Variants in UGT3A1 observed in about 807,000 individuals in gnomAD.
The protein encoded by UGT3A1 is UDP-glycosyltransferase 3A1.
UGT3A1 carries 40 observed loss-of-function variants against 37.6 expected under a neutral mutation model. The ratio of observed to expected loss-of-function variants is 1.06; its 90% CI spans 0.83 to 1.38. UGT3A1 has a LOEUF of 1.38. Among genes scored for constraint, UGT3A1 ranks in the 40% most tolerant of loss-of-function variants. The probability of loss-of-function intolerance (pLI) is 0.00; values close to 1 mark genes in which losing one functional copy is unlikely to be tolerated. For missense variants in UGT3A1, 642 were observed against 634.2 expected (o/e 1.01, Z -0.13); for synonymous variants, 256 against 232.3 (o/e 1.10, Z -0.93).
chr5:35,972,432 C>A (rs997878088), intron 2 of UGT3A1, among the ~76,000 whole-genome samples: 3 of 151,496 alleles, frequency 2.0e-5, no homozygotes, highest in Non-Finnish European at 2.9e-5. Context: ...AGCTTGCCTA[C>A]CTGACCTATA....
chr5:35,994,337 G>C (rs868821005), upstream of UGT3A1, among the ~76,000 whole-genome samples: 1 of 121,850 alleles, frequency 8.2e-6, no homozygotes, highest in African/African-American at 4.7e-5. Context: ...TTTTGTTTGT[G>C]TGTGTGTGTG....
intron 2 of UGT3A1, among the ~76,000 whole-genome samples, chr5:35,973,522 A>G (rs1342914161): frequency 1.3e-5 from 2 of 152,230 alleles, no homozygotes; most frequent in Non-Finnish European, 2.9e-5. Context: ...GGACTACACT[A>G]AATAAAAATA....
Position 35,991,215 on chromosome 5 carries a change from A to G in UGT3A1, c.26T>C (p.Leu9Pro), listed in dbSNP as rs1475139900. Residue 9 changes from leucine (L) to proline (P), a missense_variant, in exon 1 of 7, where the codon CTA becomes CCA. Transcript: ENST00000274278. ...GACCCCAGAAAGAAGGAAGGCCACT[A>G]GAAGCAGCACCCGCTGCCCAACCAT... Reference protein sequence around the residue: MVGQRVLLLVAFLLSGVLL... With the variant: MVGQRVLLPVAFLLSGVLL... 1.2e-6 allele frequency: 2 copies of G among 1,614,138 alleles called. No individual in the cohort carries two copies. Among genetic ancestry groups the G allele is most frequent in the Non-Finnish European group, 8.5e-7 (1 of 1,180,052 alleles).
rs1739270511 is a variant in UGT3A1, at chr5:35,954,352, A to G, written c.1422T>C (p.Tyr474=). ...QTGGATHLKP[Y]AFQQPWHEQY... is the part of the protein sequence containing the mutation. ...GCTCATGCCAAGGCTGCTGGAAGGC[A>G]TAGGGCTTGAGGTGCGTCGCTCCCC... The change falls in exon 7 of 7, where the codon TAT becomes TAC. Residue 474 remains tyrosine, a synonymous_variant. Coordinates refer to ENST00000274278, the MANE Select transcript of UGT3A1 (RefSeq NM_152404.4). The G allele has an allele frequency of 6.2e-7, 1 of 1,614,202 alleles. No individual in the cohort carries two copies. Among genetic ancestry groups the G allele is most frequent in the African/African-American group, 1.3e-5 (1 of 75,056 alleles).
upstream of UGT3A1, among the ~76,000 whole-genome samples, chr5:35,996,022 CAAAAAAA>C (rs111488776): frequency 5.3e-4 from 59 of 111,240 alleles, no homozygotes; most frequent in Non-Finnish European, 8.7e-4. Context: ...TGCGCTATGA[CAAAAAAA>C]AAAAAAAAAG....
At chr5:35,988,600 G>A (rs749748760) in intron 1 of UGT3A1, 49 bp from the exon 2 acceptor site, 4 of 1,448,852 alleles carry the variant, frequency 2.8e-6, no homozygotes, top group Admixed American at 3.8e-5. Flanking sequence ...TAGAGTTTCT[G>A]ATGACAATAT....
At chr5:35,958,464 C>T (rs1210139103) in intron 4 of UGT3A1, among the ~76,000 whole-genome samples, 2 of 152,162 alleles carry the variant, frequency 1.3e-5, no homozygotes, top group African/African-American at 4.8e-5. Context: ...CCTGAACTAC[C>T]ATCTCAATTA....
chr5:35,954,554 A>T, intron 6 of UGT3A1, 76 bp from the exon 7 acceptor site: 2 of 1,525,524 alleles, frequency 1.3e-6, no homozygotes, highest in Non-Finnish European at 1.8e-6. Flanking sequence ...GCATGAGCAC[A>T]CACACAAGCA....
chr5:35,996,014 C>T (rs1031707941), upstream of UGT3A1, among the ~76,000 whole-genome samples: 4 of 144,286 alleles, frequency 2.8e-5, no homozygotes, highest in Non-Finnish European at 4.5e-5. Flanking sequence ...AAATATCCTG[C>T]GCTATGACAA....
chr5:35,979,702 T>C (rs1470187839), intron 2 of UGT3A1, among the ~76,000 whole-genome samples: 1 of 152,246 alleles, frequency 6.6e-6, no homozygotes, highest in Non-Finnish European at 1.5e-5. Context: ...TTTGGGTATC[T>C]TTACAGCAGC....
In UGT3A1 at chr5:35,951,833, A is replaced by G. The variant is rs1413780766; in HGVS notation, c.*2369T>C. 3.3e-5 allele frequency: 5 copies of G among 152,140 alleles called. No homozygotes were observed. The highest frequency in any genetic ancestry group is 5.9e-5 in the Non-Finnish European group (4 of 68,034). 9.4% of individuals were successfully genotyped at this position (152,140 alleles called of 1,614,324 possible). On this transcript the variant is annotated 3_prime_UTR_variant, in exon 7 of 7. Transcript: ENST00000274278. ...GCATGGTATCATTTTTTGTACCTAG[A>G]TATCTGGTGTATAGGAATTCAGTTT...
At position 35,957,343 on chromosome 5, in the gene UGT3A1, T is replaced by C. The variant is rs1391339561; in HGVS notation, c.920A>G (p.His307Arg). The change falls in exon 5 of 7, where the codon CAT (histidine) becomes CGT (arginine). Residue 307 changes from histidine (H) to arginine (R), a missense_variant. By Grantham distance (29) the His-to-Arg change is conservative. Transcript: ENST00000274278. Reference protein sequence around the residue: ...LVAFGSMLNTHQSQEVLKKMH... With the variant: ...LVAFGSMLNTRQSQEVLKKMH... ...CTTCTTGAGGACTTCCTGGGACTGA[T>C]GGGTGTTCAACATGGAGCCAAAGGC... 3.1e-6 allele frequency: 5 copies of C among 1,614,026 alleles called. No homozygotes were observed. The highest frequency in any genetic ancestry group is 1.7e-5 in the Admixed American group (1 of 60,012).
At chr5:35,997,592 A>C (rs1236922934) in intron 1 of UGT3A1, among the ~76,000 whole-genome samples, 1 of 152,056 alleles carries the variant, frequency 6.6e-6, no homozygotes, top group African/African-American at 2.4e-5. Flanking sequence ...ATGCCTGGCT[A>C]ACTTTTGTAT....
chr5:35,976,878 A>G (rs1740293330), intron 2 of UGT3A1, among the ~76,000 whole-genome samples: 1 of 121,758 alleles, frequency 8.2e-6, no homozygotes, highest in East Asian at 2.2e-4. Flanking sequence ...GGACGGAGGG[A>G]GAGAGGAAGG....
upstream of UGT3A1, chr5:35,991,459 A>G: frequency 4.3e-6 from 6 of 1,383,412 alleles, no homozygotes; most frequent in Non-Finnish European, 4.7e-6. Context: ...CCCTCACCCT[A>G]TCAAACTACC....
chr5:35,970,962 A>T (rs1740011169), intron 2 of UGT3A1, among the ~76,000 whole-genome samples: 2 of 152,314 alleles, frequency 1.3e-5, no homozygotes, highest in South Asian at 4.1e-4. Context: ...ACTACATTTG[A>T]ATACTAACAA....
upstream of UGT3A1, chr5:35,991,425 G>C: frequency 6.9e-7 from 1 of 1,444,422 alleles, no homozygotes; most frequent in Non-Finnish European, 9.1e-7. Flanking sequence ...TCCTCCCTGG[G>C]TGCATGCTCC....
chr5:35,958,148 G>A (rs1259456449), intron 4 of UGT3A1, among the ~76,000 whole-genome samples: 2 of 152,068 alleles, frequency 1.3e-5, no homozygotes, highest in African/African-American at 2.4e-5. Context: ...TTATGTGAAT[G>A]CAAACATAAA....
At chr5:35,984,626 T>C (rs1561470924) in intron 2 of UGT3A1, among the ~76,000 whole-genome samples, 1 of 151,886 alleles carries the variant, frequency 6.6e-6, no homozygotes. Flanking sequence ...GCATGTGCCA[T>C]CACACCCAGC....
Sources: gnomAD v4.1 joint callset for allele counts (sites outside exome capture counted in the v4.1 genomes callset) on GRCh38, gnomAD v4.1.1 for gene constraint, MANE v1.5 for transcripts, NCBI Gene and HGNC (gene_info 2026-07-23, HGNC 2026-07-21) for gene names.